METTL15: variants seen among roughly 807,000 people sequenced by gnomAD.
METTL15 encodes 12S rRNA N(4)-cytidine methyltransferase METTL15.
Under a neutral mutation model 38.3 loss-of-function variants are expected in METTL15, and 34 were observed. The observed-to-expected ratio is 0.89, with a 90% CI of 0.68 to 1.18. The LOEUF (loss-of-function observed/expected upper bound fraction) is 1.18, where lower values mean the gene tolerates loss of function less well. METTL15 is among the 50% of genes most tolerant of loss of function. The pLI, the probability that METTL15 is intolerant of heterozygous loss-of-function variation, is 0.00. For synonymous variants in METTL15, 162 were observed against 170.9 expected (o/e 0.95, Z 0.41); for missense variants, 438 against 498.4 (o/e 0.88, Z 1.15).
At chr11:28,181,489 T>C (rs544419004) in intron 3 of METTL15, among the ~76,000 whole-genome samples, 31 of 151,984 alleles carry the variant, frequency 2.0e-4, no homozygotes, top group Non-Finnish European at 3.4e-4. Flanking sequence ...CTCCCACTTA[T>C]GAGTGAGAAC....
rs977319415 is a variant in METTL15, at chr11:28,128,447, T to C, written c.270+14843T>C. On this transcript the variant is annotated intron_variant, in intron 3 of 6. Coordinates refer to ENST00000407364, the MANE Select transcript of METTL15 (RefSeq NM_001113528.2). ...AGTACAGTTTTGTAAATGTGTTGTT[T>C]GCTGAAAATCAACATTATGTATGTA... Among the ~76,000 whole-genome samples the C allele has an allele frequency of 3.3e-5, 5 of 152,276 alleles. No individual in the cohort carries two copies. The South Asian group carries it at 8.3e-4, about 25-fold the overall frequency.
At chr11:28,292,190 T>G (rs368783524) in intron 5 of METTL15, among the ~76,000 whole-genome samples, 1 of 146,746 alleles carries the variant, frequency 6.8e-6, no homozygotes, top group Admixed American at 6.8e-5. Flanking sequence ...GTATATCTCC[T>G]AATGCTATCC....
chr11:28,414,465 A>C (rs1439156033), intron 5 of METTL15, among the ~76,000 whole-genome samples: 1 of 152,092 alleles, frequency 6.6e-6, no homozygotes, highest in African/African-American at 2.4e-5. Context: ...CCTATGATAG[A>C]TAGAGACCTA....
chr11:28,419,455 CT>C (rs1850801649), intron 5 of METTL15, among the ~76,000 whole-genome samples: 1 of 152,192 alleles, frequency 6.6e-6, no homozygotes, highest in South Asian at 2.1e-4. Context: ...ATGGTGCCCC[CT>C]AATACAGATA....
rs773087751 is a variant in METTL15 at position 28,266,819 on chromosome 11, A to T, written c.408-23387A>T. 2.6e-5 allele frequency among the ~76,000 whole-genome samples: 4 copies of T among 152,276 alleles called. No individual in the cohort carries two copies. In the South Asian group the frequency reaches 6.2e-4, roughly 24 times the overall value. On this transcript the variant is annotated intron_variant, in intron 4 of 6. Transcript: ENST00000407364. ...GATCCTTTCAAAACGTGTCAGATTT[A>T]TGCCACTCCTTTATTCAAAACTCTG...
intron 3 of METTL15, chr11:28,163,380 T>G (rs1164954703): frequency 2.5e-6 from 1 of 398,160 alleles, no homozygotes; most frequent in Non-Finnish European, 4.4e-6. Context: ...TTTCTGCACC[T>G]GTTACCAGAA....
intron 6 of METTL15, among the ~76,000 whole-genome samples, chr11:28,297,329 A>G (rs940641867): frequency 6.6e-6 from 1 of 152,154 alleles, no homozygotes; most frequent in Non-Finnish European, 1.5e-5. Context: ...AAGATCTGAC[A>G]TTACTTCTCT....
intron 3 of METTL15, among the ~76,000 whole-genome samples, chr11:28,351,498 C>G (rs1207308215): frequency 2.0e-5 from 3 of 152,110 alleles, no homozygotes; most frequent in Non-Finnish European, 2.9e-5. Flanking sequence ...AGCTCCCTGC[C>G]CCACATGTCT....
At chr11:28,432,958 T>A (rs1357952688) in intron 6 of METTL15, among the ~76,000 whole-genome samples, 2 of 151,244 alleles carry the variant, frequency 1.3e-5, no homozygotes, top group Non-Finnish European at 2.9e-5. Context: ...TGCCTCTAGA[T>A]ATACAAAGGT....
At chr11:28,430,809 G>C (rs1850917039) in intron 6 of METTL15, among the ~76,000 whole-genome samples, 1 of 94,772 alleles carries the variant, frequency 1.1e-5, no homozygotes, top group Non-Finnish European at 2.3e-5. Flanking sequence ...TGGGAAGTGA[G>C]GAGCCCCTCT....
chr11:28,207,650 T>G (rs1852413287), intron 3 of METTL15, among the ~76,000 whole-genome samples: 1 of 152,192 alleles, frequency 6.6e-6, no homozygotes, highest in South Asian at 2.1e-4. Flanking sequence ...GATTCCCTCT[T>G]TTTCTATAGA....
intron 6 of METTL15, among the ~76,000 whole-genome samples, chr11:28,310,709 A>G (rs1274558962): frequency 6.6e-6 from 1 of 151,526 alleles, no homozygotes; most frequent in Admixed American, 6.6e-5. Context: ...CTTTTTTCAT[A>G]TTTTCTGATT....
At chr11:28,427,082 T>C (rs2133426119) in intron 6 of METTL15, among the ~76,000 whole-genome samples, 1 of 152,324 alleles carries the variant, frequency 6.6e-6, no homozygotes, top group Admixed American at 6.5e-5. Context: ...TACCTTTAAG[T>C]CTTTAATCCA....
chr11:28,461,069 C>CT (rs941438128), intron 6 of METTL15, among the ~76,000 whole-genome samples: 5 of 151,878 alleles, frequency 3.3e-5, no homozygotes, highest in African/African-American at 1.2e-4. Flanking sequence ...GATTATTTTC[C>CT]TTTTTTTCCC....
At chr11:28,198,748 G>GCTAA (rs1326429686) in intron 3 of METTL15, among the ~76,000 whole-genome samples, 2 of 152,076 alleles carry the variant, frequency 1.3e-5, no homozygotes. Flanking sequence ...AAAAATGTTA[G>GCTAA]CTAACTATAA....
chr11:28,292,219 C>A (rs963073218), intron 5 of METTL15, among the ~76,000 whole-genome samples: 1 of 120,786 alleles, frequency 8.3e-6, no homozygotes, highest in Non-Finnish European at 1.7e-5. Flanking sequence ...TCCCCCCACC[C>A]CACAACAGGC....
rs1319977734 is a variant in METTL15 at position 28,500,419 on chromosome 11, G to T, written c.*425-26059G>T. 3.3e-5 allele frequency among the ~76,000 whole-genome samples: 5 copies of T among 152,332 alleles called. 1 individual carries two copies. Among genetic ancestry groups the T allele is most frequent in the African/African-American group, 9.6e-5 (4 of 41,576 alleles). On this transcript the variant is annotated intron_variant and NMD_transcript_variant, in intron 6 of 7. Coordinates refer to the METTL15 transcript ENST00000532947. ...GAACCTTGATTAAGAACAGGCTTGA[G>T]GGTGGTCCCAATGCATTGGCAGGTA...
chr11:28,153,134 T>C (rs1324992024), intron 3 of METTL15, among the ~76,000 whole-genome samples: 1 of 152,070 alleles, frequency 6.6e-6, no homozygotes, highest in Non-Finnish European at 1.5e-5. Context: ...CCTTGTTTTA[T>C]CAGCATGGTC....
chr11:28,516,784 C>G (rs1014207791), intron 6 of METTL15: 6 of 152,138 alleles, frequency 3.9e-5, no homozygotes, highest in Non-Finnish European at 8.8e-5. Flanking sequence ...GCCTTAATAG[C>G]TAAGGATTAG....
Sources: allele counts gnomAD v4.1 joint callset (sites outside exome capture counted in the v4.1 genomes callset), GRCh38; gene constraint gnomAD v4.1.1; transcripts MANE v1.5; gene names NCBI Gene and HGNC (gene_info 2026-07-23, HGNC 2026-07-21).